Variants in TMEM266 observed in about 807,000 individuals in gnomAD.
TMEM266 encodes the protein Hv1 related protein 1.
A neutral mutation model predicts 50.5 loss-of-function variants in TMEM266; 33 were observed. That is an observed-to-expected ratio of 0.65 (90% CI 0.50 to 0.87). TMEM266 has a LOEUF of 0.87. Ranked by LOEUF, TMEM266 falls within the 40% of genes least tolerant of loss-of-function variation. The pLI is 0.00. For synonymous variants in TMEM266, 310 were observed against 292.3 expected (o/e 1.06, Z -0.62); for missense variants, 655 against 695.1 (o/e 0.94, Z 0.65).
intron 1 of TMEM266, among the ~76,000 whole-genome samples, chr15:76,062,170 A>G (rs78183428): frequency 1.8e-4 from 27 of 152,380 alleles, no homozygotes; most frequent in East Asian, 5.8e-4. Context: ...CTCAGGTCAC[A>G]TAGTTGAGAT....
At chr15:76,202,711 G>A (rs2038768044) in intron 10 of TMEM266, among the ~76,000 whole-genome samples, 1 of 152,116 alleles carries the variant, frequency 6.6e-6, no homozygotes, top group African/African-American at 2.4e-5. Flanking sequence ...AAGCCTAGTG[G>A]TTTTTACTTA....
At position 76,171,678 on chromosome 15, in the gene TMEM266, G is replaced by C. The variant is rs533167492; in HGVS notation, c.652+547G>C. ...GCTGGCAGGGGCTGGCTTTTGGCAT[G>C]TGCTTCTGTCATCTTTAGTGACGTG... On this transcript the variant is annotated intron_variant, in intron 7 of 10. Coordinates refer to ENST00000388942, the MANE Select transcript of TMEM266 (RefSeq NM_152335.3). 5.6e-4 allele frequency among the ~76,000 whole-genome samples: 85 copies of C among 152,356 alleles called. 1 individual carries two copies. The highest frequency in any genetic ancestry group is 2.5e-3 in the Admixed American group (39 of 15,312).
At chr15:76,163,640 C>T (rs533074235) in intron 5 of TMEM266, among the ~76,000 whole-genome samples, 1 of 152,304 alleles carries the variant, frequency 6.6e-6, no homozygotes, top group East Asian at 1.9e-4. Flanking sequence ...GGGAAGCCTG[C>T]TGCTCCTCCC....
At chr15:76,201,203 A>C (rs1262455140) in intron 9 of TMEM266, among the ~76,000 whole-genome samples, 1 of 151,918 alleles carries the variant, frequency 6.6e-6, no homozygotes, top group Non-Finnish European at 1.5e-5. Context: ...GCCTCTCCCA[A>C]TCACACCTGA....
intron 3 of TMEM266, among the ~76,000 whole-genome samples, chr15:76,142,426 G>A (rs2037694854): frequency 6.6e-6 from 1 of 152,148 alleles, no homozygotes; most frequent in South Asian, 2.1e-4. Context: ...TGCTTTCAAT[G>A]CTTTTGGGTA....
intron 3 of TMEM266, among the ~76,000 whole-genome samples, chr15:76,150,578 C>G (rs1369678288): frequency 3.3e-5 from 5 of 152,220 alleles, no homozygotes; most frequent in African/African-American, 1.2e-4. Context: ...AGTCACTCCC[C>G]TCTCTGCCAC....
At chr15:76,182,255 G>A (rs1339352874) in intron 8 of TMEM266, among the ~76,000 whole-genome samples, 2 of 152,082 alleles carry the variant, frequency 1.3e-5, no homozygotes, top group Non-Finnish European at 2.9e-5. Context: ...TCTCATTGGG[G>A]AAATTGGAGG....
At chr15:76,072,633 CT>C (rs562406271) in intron 1 of TMEM266, among the ~76,000 whole-genome samples, 1 of 150,940 alleles carries the variant, frequency 6.6e-6, no homozygotes, top group African/African-American at 2.4e-5. Flanking sequence ...AATTTCTCTA[CT>C]TTTTTTTTCT....
intron 1 of TMEM266, among the ~76,000 whole-genome samples, chr15:76,098,912 G>A (rs1025084811): frequency 3.3e-5 from 5 of 152,118 alleles, no homozygotes; most frequent in Non-Finnish European, 5.9e-5. Flanking sequence ...TAGCAATGGT[G>A]GTCGCCCCTC....
chr15:76,187,078 C>G (rs932033235), intron 8 of TMEM266, among the ~76,000 whole-genome samples: 1 of 152,252 alleles, frequency 6.6e-6, no homozygotes, highest in Non-Finnish European at 1.5e-5. Context: ...CTGAGAAAGG[C>G]ATTTTCATTC....
intron 1 of TMEM266, among the ~76,000 whole-genome samples, chr15:76,086,166 A>G (rs1466161069): frequency 6.6e-6 from 1 of 152,244 alleles, no homozygotes; most frequent in Non-Finnish European, 1.5e-5. Context: ...TGGGATACCC[A>G]TACAGTTGGA....
intron 7 of TMEM266, among the ~76,000 whole-genome samples, chr15:76,174,654 A>G (rs1054341563): frequency 2.0e-5 from 3 of 152,232 alleles, no homozygotes; most frequent in Non-Finnish European, 1.5e-5. Flanking sequence ...GAGAAAGCCT[A>G]CACTCATCAG....
chr15:76,082,692 G>C (rs1349458567), intron 1 of TMEM266, among the ~76,000 whole-genome samples: 1 of 152,174 alleles, frequency 6.6e-6, no homozygotes, highest in African/African-American at 2.4e-5. Context: ...TGTGTGGCTG[G>C]GCATGGTGGC....
In TMEM266 at chr15:76,137,810, C is replaced by T. The variant is rs200391773; in HGVS notation, c.142C>T (p.Arg48Trp). ...TGTGCAGCTGGTGAACTTTGCCTAT[C>T]GGGACTTGCCCCTGGCTGCTGTCGA... is the stretch of plus-strand genomic sequence containing the variant. The change falls in exon 3 of 11, where the codon CGG becomes TGG. Residue 48 changes from arginine (R) to tryptophan (W), a missense_variant. Arg to Trp is a moderately radical substitution (Grantham distance 101). Coordinates refer to ENST00000388942, the MANE Select transcript of TMEM266 (RefSeq NM_152335.3). 1,415 of 1,613,932 alleles carry T rather than the reference C, an allele frequency of 8.8e-4. No individual in the cohort carries two copies. The highest frequency in any genetic ancestry group is 1.1e-3 in the Non-Finnish European group (1,321 of 1,179,906).
intron 3 of TMEM266, among the ~76,000 whole-genome samples, chr15:76,145,668 A>G (rs1317982348): frequency 6.6e-6 from 1 of 152,224 alleles, no homozygotes; most frequent in East Asian, 1.9e-4. Context: ...CACAGCTTTT[A>G]AGGAAGCCAG....
At chr15:76,158,503 G>A (rs2037962269) in intron 4 of TMEM266, among the ~76,000 whole-genome samples, 1 of 152,122 alleles carries the variant, frequency 6.6e-6, no homozygotes, top group South Asian at 2.1e-4. Flanking sequence ...CTGTGACAAG[G>A]TATTGAGGAG....
intron 8 of TMEM266, among the ~76,000 whole-genome samples, chr15:76,190,479 CT>C (rs143290994): frequency 1.1e-4 from 17 of 152,116 alleles, no homozygotes; most frequent in African/African-American, 3.9e-4. Context: ...GAGAGTCCCC[CT>C]GAGTCCTGTT....
At chr15:76,175,496 G>C (rs779296266) in intron 7 of TMEM266, 63 bp from the exon 8 acceptor site, 1 of 1,331,786 alleles carries the variant, frequency 7.5e-7, no homozygotes, top group Admixed American at 1.9e-5. Context: ...TGCTGGGCCC[G>C]CCCTTCCCTA....
chr15:76,175,729 T>G, intron 8 of TMEM266, 55 bp downstream of exon 8: 2 of 1,430,362 alleles, frequency 1.4e-6, no homozygotes, highest in Non-Finnish European at 2.0e-6. Context: ...ACACTGGTAG[T>G]GCCTAAAGCC....
Sources: gnomAD v4.1 joint callset for allele counts (sites outside exome capture counted in the v4.1 genomes callset) on GRCh38, gnomAD v4.1.1 for gene constraint, MANE v1.5 for transcripts, NCBI Gene and HGNC (gene_info 2026-07-23, HGNC 2026-07-21) for gene names.